CUX1: variants seen among roughly 807,000 people sequenced by gnomAD.
CUX1 encodes cut like homeobox 1, also known as protein CASP.
A neutral mutation model predicts 158.8 loss-of-function variants in CUX1; 31 were observed. The observed-to-expected ratio is 0.20, with a 90% CI of 0.15 to 0.26. The LOEUF is 0.26. Among genes scored for constraint, CUX1 ranks in the 10% least tolerant of loss-of-function variants. The pLI is 1.00. For synonymous variants in CUX1, 879 were observed against 862.1 expected (o/e 1.02, Z -0.34); for missense variants, 1,589 against 2,014.6 (o/e 0.79, Z 4.04).
chr7:102,120,717 T>C (rs1262698368), intron 8 of CUX1, among the ~76,000 whole-genome samples: 2 of 152,210 alleles, frequency 1.3e-5, no homozygotes, highest in African/African-American at 4.8e-5. Context: ...TCTACGCTTC[T>C]TTGGAGGGAT....
intron 4 of CUX1, 44 bp from the exon 5 acceptor site, chr7:102,097,320 G>A (rs782225705): frequency 2.2e-5 from 35 of 1,580,180 alleles, no homozygotes; most frequent in Non-Finnish European, 2.9e-5. Context: ...GAGGGGGCCT[G>A]TTTGCTGGCC....
At chr7:102,228,997 C>G (rs943917769) in intron 21 of CUX1, among the ~76,000 whole-genome samples, 1 of 152,210 alleles carries the variant, frequency 6.6e-6, no homozygotes, top group Non-Finnish European at 1.5e-5. Flanking sequence ...AGTAACCACG[C>G]CTGCCTGGGA....
intron 2 of CUX1, among the ~76,000 whole-genome samples, chr7:101,964,976 C>A (rs147712137): frequency 9.1e-4 from 139 of 152,268 alleles, no homozygotes; most frequent in African/African-American, 3.2e-3. Context: ...TGTGTGTGAG[C>A]GAGTGAATGA....
rs550127533 is a variant in CUX1, at chr7:102,270,006, C to G, written c.1256-3360C>G. Among the ~76,000 whole-genome samples the G allele has an allele frequency of 2.2e-4, 33 of 152,342 alleles. 1 individual carries two copies. Among genetic ancestry groups the G allele is most frequent in the African/African-American group, 7.0e-4 (29 of 41,578 alleles). On this transcript the variant is annotated intron_variant, in intron 14 of 22. Coordinates refer to the CUX1 transcript ENST00000292538. ...CCCTTCCCCCACAGGGGGCCAGGCC[C>G]GGGCCTCCCCACCTGGGTTCTGTAC...
downstream of CUX1, among the ~76,000 whole-genome samples, chr7:102,260,739 T>C (rs546951140): frequency 6.6e-6 from 1 of 152,246 alleles, no homozygotes; most frequent in African/African-American, 2.4e-5. Context: ...CCTTATTTGA[T>C]GCTCTGAAGA....
chr7:101,902,059 G>A (rs76336285), intron 1 of CUX1, among the ~76,000 whole-genome samples: 9,222 of 152,238 alleles, frequency 0.061, 800 homozygotes, highest in East Asian at 0.37. Flanking sequence ...AGCCACAACG[G>A]TTTCCCTGCC....
chr7:101,887,843 A>ATT (rs554136468), intron 1 of CUX1, among the ~76,000 whole-genome samples: 2 of 76,954 alleles, frequency 2.6e-5, no homozygotes, highest in African/African-American at 5.8e-5. Flanking sequence ...TGACGGTGAC[A>ATT]TTTTTTTTTT....
intron 18 of CUX1, among the ~76,000 whole-genome samples, chr7:102,279,127 G>C (rs2132836193): frequency 6.6e-6 from 1 of 151,854 alleles, no homozygotes; most frequent in South Asian, 2.1e-4. Context: ...GATCATTTGA[G>C]GTCAGGAGTT....
rs782076046 is a variant in CUX1 at position 102,227,656 on chromosome 7, G to A, written c.3420G>A (p.Thr1140=). ...CCAAGCGGGTGAAGGAGGTGCTGACGGACAACAACCTCGGTAGGTTCTCCT... is the reference window on the plus strand; with the variant it reads ...CCAAGCGGGTGAAGGAGGTGCTGACAGACAACAACCTCGGTAGGTTCTCCT... ...GITKRVKEVL[T]DNNLGQRLFG... is the part of the protein sequence containing the mutation. The change falls in exon 21 of 24, where the codon ACG becomes ACA. Residue 1140 remains threonine (T), a synonymous_variant. Coordinates refer to ENST00000292535, the MANE Select transcript of CUX1 (RefSeq NM_181552.4). 6.2e-6 allele frequency: 10 copies of A among 1,609,714 alleles called. No homozygotes were observed. In the Admixed American group the frequency reaches 6.7e-5, roughly 11 times the overall value.
At chr7:101,829,389 A>G (rs1793731005) in intron 1 of CUX1, among the ~76,000 whole-genome samples, 2 of 152,246 alleles carry the variant, frequency 1.3e-5, no homozygotes, top group South Asian at 2.1e-4. Context: ...ATGGGAACAG[A>G]TGGCGGACGG....
At chr7:102,038,252 T>C (rs1409060663) in intron 3 of CUX1, among the ~76,000 whole-genome samples, 1 of 152,232 alleles carries the variant, frequency 6.6e-6, no homozygotes, top group Non-Finnish European at 1.5e-5. Context: ...TCTAGGGCTG[T>C]GCATCCCACC....
chr7:102,177,950 T>C (rs994584633), intron 10 of CUX1, among the ~76,000 whole-genome samples: 21 of 152,124 alleles, frequency 1.4e-4, no homozygotes, highest in African/African-American at 5.1e-4. Context: ...TGAAGTGCAG[T>C]GGTACAATCT....
chr7:102,002,765 G>A (rs749521686), intron 2 of CUX1, among the ~76,000 whole-genome samples: 3 of 152,116 alleles, frequency 2.0e-5, no homozygotes, highest in Non-Finnish European at 4.4e-5. Flanking sequence ...GAGTGGTGCT[G>A]GGCCGCCCTG....
chr7:102,268,333 AT>A (rs1790955801), intron 14 of CUX1, among the ~76,000 whole-genome samples: 1 of 152,048 alleles, frequency 6.6e-6, no homozygotes, highest in African/African-American at 2.4e-5. Flanking sequence ...GCAGCCCTGC[AT>A]GCCCCCACCA....
At chr7:102,082,807 A>G (rs555367641) in intron 4 of CUX1, among the ~76,000 whole-genome samples, 2 of 147,650 alleles carry the variant, frequency 1.4e-5, no homozygotes, top group Non-Finnish European at 1.5e-5. Flanking sequence ...TTATTGATGA[A>G]TGATATTCCA....
At chr7:102,246,117 T>G (rs1192760015) in intron 23 of CUX1, among the ~76,000 whole-genome samples, 1 of 152,192 alleles carries the variant, frequency 6.6e-6, no homozygotes, top group Admixed American at 6.5e-5. Flanking sequence ...CCAAAAAGCC[T>G]GTACTCTGGT....
chr7:102,033,220 A>G (rs1821003234), intron 3 of CUX1, among the ~76,000 whole-genome samples: 1 of 152,188 alleles, frequency 6.6e-6, no homozygotes, highest in Admixed American at 6.5e-5. Context: ...AGGCCAAGCC[A>G]GGAGGATCAT....
chr7:102,179,740 C>T (rs541620198), intron 11 of CUX1, among the ~76,000 whole-genome samples: 28 of 152,376 alleles, frequency 1.8e-4, no homozygotes, highest in African/African-American at 6.7e-4. Context: ...AGGGGAGACT[C>T]TCGGAGTTGT....
chr7:101,919,307 C>A (rs144905484), intron 2 of CUX1, among the ~76,000 whole-genome samples: 1 of 152,072 alleles, frequency 6.6e-6, no homozygotes, highest in Non-Finnish European at 1.5e-5. Flanking sequence ...ACTGGGTCAC[C>A]GTTTGTTTGG....
Sources: gnomAD v4.1 joint callset for allele counts (sites outside exome capture counted in the v4.1 genomes callset) on GRCh38, gnomAD v4.1.1 for gene constraint, MANE v1.5 for transcripts, NCBI Gene and HGNC (gene_info 2026-07-23, HGNC 2026-07-21) for gene names.